KCTD16: variants seen among roughly 807,000 people sequenced by gnomAD.
KCTD16 encodes potassium channel tetramerization domain containing 16.
A neutral mutation model predicts 33.2 loss-of-function variants in KCTD16; 13 were observed. That is an observed-to-expected ratio of 0.39 (90% confidence interval 0.25 to 0.62). The LOEUF (loss-of-function observed/expected upper bound fraction) is 0.62. Ranked by LOEUF, KCTD16 falls within the 20% of genes least tolerant of loss-of-function variation. KCTD16 has a pLI of 0.50. For synonymous variants in KCTD16, 197 were observed against 195.3 expected, an observed-to-expected ratio of 1.01 and a Z score of -0.07; for missense variants, 441 against 525.1, an observed-to-expected ratio of 0.84 and a Z score of 1.57.
intron 3 of KCTD16, among the ~76,000 whole-genome samples, chr5:144,430,474 A>G (rs954270459): frequency 1.3e-5 from 2 of 152,108 alleles, no homozygotes; most frequent in Non-Finnish European, 2.9e-5. Flanking sequence ...TCTGACACCA[A>G]CTTGCTATGT....
intron 3 of KCTD16, among the ~76,000 whole-genome samples, chr5:144,416,365 G>T (rs753776357): frequency 3.9e-5 from 6 of 152,172 alleles, no homozygotes; most frequent in Non-Finnish European, 7.4e-5. Context: ...CAGACTAGTA[G>T]CCCAACACTC....
intron 3 of KCTD16, among the ~76,000 whole-genome samples, chr5:144,331,594 G>A (rs2126891603): frequency 6.6e-6 from 1 of 152,216 alleles, no homozygotes; most frequent in Non-Finnish European, 1.5e-5. Context: ...ATGGGGAATG[G>A]GAGTCTGTCC....
chr5:144,422,960 A>T (rs1242885970), intron 3 of KCTD16, among the ~76,000 whole-genome samples: 2 of 152,174 alleles, frequency 1.3e-5, no homozygotes, highest in Middle Eastern at 3.2e-3. Context: ...ATAAGCTCAC[A>T]TCATAGTAGC....
intron 3 of KCTD16, among the ~76,000 whole-genome samples, chr5:144,249,151 T>C (rs1014728543): frequency 1.8e-4 from 28 of 152,218 alleles, no homozygotes; most frequent in Non-Finnish European, 2.9e-5. Flanking sequence ...TTTCTCATGC[T>C]ACTTCTATAA....
At chr5:144,249,187 T>G (rs1291988311) in intron 3 of KCTD16, among the ~76,000 whole-genome samples, 1 of 152,196 alleles carries the variant, frequency 6.6e-6, no homozygotes, top group African/African-American at 2.4e-5. Flanking sequence ...TTCTTGAACA[T>G]GCTAAGATCA....
At chr5:144,202,642 C>T (rs1753070640) in intron 2 of KCTD16, among the ~76,000 whole-genome samples, 1 of 152,130 alleles carries the variant, frequency 6.6e-6, no homozygotes. Context: ...AGTAGATATG[C>T]CCAAATAGAG....
intron 3 of KCTD16, among the ~76,000 whole-genome samples, chr5:144,454,677 C>T (rs920878822): frequency 1.3e-5 from 2 of 152,098 alleles, no homozygotes; most frequent in South Asian, 4.1e-4. Flanking sequence ...GAGAAGGAAA[C>T]GCTTCATCCT....
chr5:144,274,160 C>T (rs1755381316), intron 3 of KCTD16, among the ~76,000 whole-genome samples: 1 of 150,936 alleles, frequency 6.6e-6, no homozygotes, highest in Non-Finnish European at 1.5e-5. Flanking sequence ...ATTTATTGTC[C>T]TTTTCTCTTT....
chr5:144,447,874 A>G (rs560507393), intron 3 of KCTD16, among the ~76,000 whole-genome samples: 2 of 152,114 alleles, frequency 1.3e-5, no homozygotes, highest in Admixed American at 6.6e-5. Context: ...GGAATTAACT[A>G]GTGTGCTTTT....
chr5:144,382,333 C>T (rs139956676), intron 3 of KCTD16, among the ~76,000 whole-genome samples: 180 of 152,138 alleles, frequency 1.2e-3, no homozygotes, highest in African/African-American at 3.4e-3. Context: ...CCCAGCAATA[C>T]GCAATTTACT....
chr5:144,370,284 C>A (rs1246112835), intron 3 of KCTD16, among the ~76,000 whole-genome samples: 1 of 152,088 alleles, frequency 6.6e-6, no homozygotes, highest in Admixed American at 6.6e-5. Flanking sequence ...GAGAAACTTG[C>A]GATCATTTGG....
intron 3 of KCTD16, among the ~76,000 whole-genome samples, chr5:144,228,192 CA>C (rs999674459): frequency 2.0e-5 from 3 of 152,100 alleles, no homozygotes; most frequent in Non-Finnish European, 4.4e-5. Context: ...GAGGTCTAAG[CA>C]CTCAAGTGTT....
chr5:144,375,599 G>A (rs1752071827), intron 3 of KCTD16, among the ~76,000 whole-genome samples: 1 of 152,172 alleles, frequency 6.6e-6, no homozygotes, highest in African/African-American at 2.4e-5. Flanking sequence ...CTGAGTACTT[G>A]AAAGGTTCAT....
intron 3 of KCTD16, among the ~76,000 whole-genome samples, chr5:144,377,042 G>A (rs149513712): frequency 1.3e-5 from 2 of 152,282 alleles, no homozygotes; most frequent in East Asian, 1.9e-4. Flanking sequence ...GGATGAGGAG[G>A]TGGTGTTTTA....
At chr5:144,321,640 G>C (rs574367498) in intron 3 of KCTD16, among the ~76,000 whole-genome samples, 25 of 152,140 alleles carry the variant, frequency 1.6e-4, no homozygotes, top group East Asian at 3.9e-4. Flanking sequence ...TTGATTTGAC[G>C]GCCTTATTCT....
At chr5:144,465,635 A>T (rs1320451372) in intron 3 of KCTD16, among the ~76,000 whole-genome samples, 7 of 152,028 alleles carry the variant, frequency 4.6e-5, no homozygotes, top group Admixed American at 4.6e-4. Context: ...CATGCTTCTG[A>T]TGCATTCTAC....
chr5:144,351,615 T>C (rs1355839411), intron 3 of KCTD16, among the ~76,000 whole-genome samples: 8 of 152,178 alleles, frequency 5.3e-5, no homozygotes. Flanking sequence ...ATGTTTATTG[T>C]AGCACTATTC....
intron 3 of KCTD16, among the ~76,000 whole-genome samples, chr5:144,427,093 G>A (rs1753348923): frequency 6.6e-6 from 1 of 152,106 alleles, no homozygotes; most frequent in Non-Finnish European, 1.5e-5. Flanking sequence ...TTGCACAATG[G>A]GAGAATGTAG....
At chr5:144,322,742 C>CA (rs1752107272) in intron 3 of KCTD16, among the ~76,000 whole-genome samples, 1 of 144,442 alleles carries the variant, frequency 6.9e-6, no homozygotes, top group African/African-American at 2.5e-5. Context: ...AAAAAAAAAA[C>CA]AAAAACTTCT....
Sources: allele counts gnomAD v4.1 joint callset (sites outside exome capture counted in the v4.1 genomes callset), GRCh38; gene constraint gnomAD v4.1.1; transcripts MANE v1.5; gene names NCBI Gene and HGNC (gene_info 2026-07-23, HGNC 2026-07-21).